Variants in CHPT1 observed in about 807,000 individuals in gnomAD.
CHPT1 encodes cholinephosphotransferase 1.
CHPT1 carries 36 observed loss-of-function variants against 47.6 expected under a neutral mutation model. The ratio of observed to expected loss-of-function variants is 0.76; its 90% CI spans 0.58 to 1.00. CHPT1 has a LOEUF of 1.00. CHPT1 is among the 50% of genes least tolerant of loss of function. The pLI is 0.00. For synonymous variants in CHPT1, 194 were observed against 186.3 expected (o/e 1.04, Z -0.33); for missense variants, 458 against 498.1 (o/e 0.92, Z 0.77).
chr12:101,701,045 C>T (rs773317161), intron 1 of CHPT1, among the ~76,000 whole-genome samples: 1 of 152,058 alleles, frequency 6.6e-6, no homozygotes, highest in Non-Finnish European at 1.5e-5. Flanking sequence ...ACATTTGATA[C>T]GTTTTTAAGC....
intron 7 of CHPT1, 135 bp from the exon 8 acceptor site, chr12:101,726,159 A>G (rs1445527736): frequency 1.3e-5 from 8 of 631,842 alleles, no homozygotes; most frequent in South Asian, 6.1e-5. Flanking sequence ...GAAATGTATT[A>G]AAGTGCTTTA....
rs141771500 is a variant in CHPT1, at chr12:101,698,121, C to T, written c.260C>T (p.Thr87Met). 1.4e-5 allele frequency: 21 copies of T among 1,532,582 alleles called. No individual in the cohort carries two copies. Among genetic ancestry groups the T allele is most frequent in the African/African-American group, 5.7e-5 (4 of 70,290 alleles). 94.9% of individuals were successfully genotyped at this position (1,532,582 alleles called of 1,614,324 possible). A position where few individuals can be genotyped will look rare whatever the true frequency, so the allele number is the denominator to read the frequency against. Residue 87 changes from threonine (T) to methionine (M), a missense_variant, in exon 1 of 9, where the codon ACG becomes ATG. Physicochemically the swap from Thr to Met is moderately conservative, Grantham distance 81 (BLOSUM62 -1). Transcript: ENST00000229266. ...TTLVLISYCP[T>M]ATEEAPYWTY... ...CTCGTGCTCATCTCCTACTGTCCCA[C>T]GGCCACCGAAGAGGTAGGGCTGGCC... is the stretch of plus-strand genomic sequence containing the variant.
In CHPT1 at chr12:101,709,671, C is replaced by T. The variant is rs558895095; in HGVS notation, c.274-4419C>T. Among the ~76,000 whole-genome samples the T allele has an allele frequency of 1.5e-4, 23 of 148,836 alleles. 1 individual carries two copies. Among genetic ancestry groups the T allele is most frequent in the South Asian group, 1.1e-3 (5 of 4,660 alleles). On this transcript the variant is annotated intron_variant, in intron 1 of 8. Transcript: ENST00000229266. ...TGGGAAGAATTGGAAAAGGAGTGAA[C>T]CAAATATTGGCAGATCATTGTGCCT...
intron 2 of CHPT1, 38 bp from the exon 3 acceptor site, chr12:101,714,466 T>C (rs1951735935): frequency 6.5e-7 from 1 of 1,536,814 alleles, no homozygotes; most frequent in African/African-American, 1.4e-5. Flanking sequence ...ATAAATTATT[T>C]TTAATTCTTA....
intron 1 of CHPT1, among the ~76,000 whole-genome samples, chr12:101,703,342 A>G (rs1951581380): frequency 6.6e-6 from 1 of 152,216 alleles, no homozygotes; most frequent in Non-Finnish European, 1.5e-5. Flanking sequence ...AAGAAGAAAG[A>G]AAACCAAAAT....
At chr12:101,704,976 C>T (rs1951610417) in intron 1 of CHPT1, among the ~76,000 whole-genome samples, 1 of 86,858 alleles carries the variant, frequency 1.2e-5, no homozygotes, top group Non-Finnish European at 2.0e-5. Flanking sequence ...TCATCCAACT[C>T]ATTTAGCCAG....
intron 5 of CHPT1, among the ~76,000 whole-genome samples, chr12:101,720,832 C>T (rs1174876705): frequency 6.6e-6 from 1 of 151,998 alleles, no homozygotes; most frequent in East Asian, 1.9e-4. Context: ...AACTTCAGTA[C>T]TTTTAAGTGG....
At chr12:101,728,781 T>C in intron 8 of CHPT1, 120 bp from the exon 9 acceptor site, 1 of 1,154,192 alleles carries the variant, frequency 8.7e-7, no homozygotes, top group Non-Finnish European at 1.2e-6. Context: ...AGATTTGACT[T>C]AACAGAAAGG....
chr12:101,700,541 T>A (rs1191724590), intron 1 of CHPT1, among the ~76,000 whole-genome samples: 2 of 152,178 alleles, frequency 1.3e-5, no homozygotes, highest in East Asian at 3.8e-4. Flanking sequence ...AGCAACAGTG[T>A]GAAGAGTGTA....
chr12:101,717,375 A>G (rs900542334), intron 4 of CHPT1: 9 of 446,394 alleles, frequency 2.0e-5, no homozygotes, highest in Non-Finnish European at 3.2e-5. Context: ...CTGAAGAAAC[A>G]GTTGTCCTGT....
Position 101,714,257 on chromosome 12 carries a change from T to A in CHPT1, c.421+20T>A, listed in dbSNP as rs182304898. 3.0e-4 allele frequency: 465 copies of A among 1,541,740 alleles called. No homozygotes were observed. In the African/African-American group the frequency reaches 6.0e-3, roughly 20 times the overall value. ...CCACAGGTAAATTAGTGGAGTTTTT[T>A]ATTTTTTTATGATACCTTAAAAATA... On this transcript the variant is annotated intron_variant, in intron 2 of 8. Transcript: ENST00000229266.
At position 101,714,342 on chromosome 12, in the gene CHPT1, T is replaced by C. The variant is rs973815190; in HGVS notation, c.421+105T>C. ...GGATATACATTTGGGAGCAAATGTA[T>C]GGAGTTGTTTAAAAAGTATGTCAAG... On this transcript the variant is annotated intron_variant, in intron 2 of 8. Transcript: ENST00000229266. 15 of 1,198,164 alleles carry C rather than the reference T, an allele frequency of 1.3e-5. No individual in the cohort carries two copies. In the Admixed American group the frequency reaches 1.8e-4, roughly 14 times the overall value. 74.2% of individuals were successfully genotyped at this position (1,198,164 alleles called of 1,614,324 possible). A position where few individuals can be genotyped will look rare whatever the true frequency, so the allele number is the denominator to read the frequency against.
intron 1 of CHPT1, among the ~76,000 whole-genome samples, chr12:101,698,875 A>G (rs2136993618): frequency 6.6e-6 from 1 of 152,314 alleles, no homozygotes; most frequent in Admixed American, 6.5e-5. Flanking sequence ...GATAGGGGGC[A>G]GAGTGGAGTT....
intron 5 of CHPT1, among the ~76,000 whole-genome samples, chr12:101,721,018 A>G (rs1951841803): frequency 6.6e-6 from 1 of 152,204 alleles, no homozygotes; most frequent in African/African-American, 2.4e-5. Flanking sequence ...ACAGTGGCTC[A>G]TGCTTGTAAT....
chr12:101,726,721 T>TATC, intron 8 of CHPT1: 1 of 369,590 alleles, frequency 2.7e-6, no homozygotes, highest in East Asian at 3.9e-5. Flanking sequence ...CTCTGAGACT[T>TATC]ATCAGACACA....
intron 1 of CHPT1, 58 bp from the exon 2 acceptor site, chr12:101,714,032 T>G (rs916949264): frequency 1.7e-6 from 2 of 1,198,628 alleles, no homozygotes; most frequent in Non-Finnish European, 2.4e-6. Flanking sequence ...TAGGTTGAGC[T>G]ATTTTCAGAA....
chr12:101,724,963 A>G (rs1951917529), intron 7 of CHPT1, among the ~76,000 whole-genome samples: 1 of 152,010 alleles, frequency 6.6e-6, no homozygotes, highest in Non-Finnish European at 1.5e-5. Context: ...TTGTATTTCT[A>G]TCTCTGGACC....
In CHPT1 at chr12:101,714,527, A is replaced by G. The variant is rs1951737203; in HGVS notation, c.445A>G (p.Ile149Val). The G allele has an allele frequency of 1.9e-6, 3 of 1,604,492 alleles. No homozygotes were observed. The highest frequency in any genetic ancestry group is 2.5e-6 in the Non-Finnish European group (3 of 1,177,328). The change falls in exon 3 of 9, where the codon ATT (isoleucine) becomes GTT (valine). Residue 149 changes from isoleucine (I) to valine (V), a missense_variant. Transcript: ENST00000229266. The stretch of plus-strand genomic sequence containing the variant: ...AGTATTTATGGCAGTGGGAGCTTCA[A>G]TTGCCGCTCGCTTAGGAACTTATCC... ...STVFMAVGAS[I>V]AARLGTYPDW...
chr12:101,724,062 A>G (rs534962252), intron 7 of CHPT1, among the ~76,000 whole-genome samples: 2 of 152,078 alleles, frequency 1.3e-5, no homozygotes, highest in Non-Finnish European at 2.9e-5. Context: ...ACCAAAAAAT[A>G]CAAAAAATTA....
Sources: allele counts gnomAD v4.1 joint callset (sites outside exome capture counted in the v4.1 genomes callset), GRCh38; gene constraint gnomAD v4.1.1; transcripts MANE v1.5; gene names NCBI Gene and HGNC (gene_info 2026-07-23, HGNC 2026-07-21).